The following ARID5B variants were observed in gnomAD, a reference collection of about 807,000 sequenced individuals.
ARID5B encodes AT-rich interactive domain-containing protein 5B.
ARID5B carries 13 observed loss-of-function variants against 97.2 expected under a neutral mutation model. The observed-to-expected ratio is 0.13, with a 90% CI of 0.09 to 0.21. The LOEUF is 0.21. ARID5B is among the 10% of genes least tolerant of loss of function. The pLI is 1.00. For missense variants in ARID5B, 1,210 were observed against 1,465.3 expected, an observed-to-expected ratio of 0.83 and a Z score of 2.84; for synonymous variants, 556 against 570.3, an observed-to-expected ratio of 0.97 and a Z score of 0.36.
intron 4 of ARID5B, among the ~76,000 whole-genome samples, chr10:62,008,868 A>G (rs943368274): frequency 6.6e-6 from 1 of 151,838 alleles, no homozygotes; most frequent in Admixed American, 6.6e-5. Context: ...TTCATTATAC[A>G]CCTCTCCGTG....
intron 4 of ARID5B, among the ~76,000 whole-genome samples, chr10:62,011,531 T>C (rs765027268): frequency 6.6e-6 from 1 of 152,240 alleles, no homozygotes; most frequent in East Asian, 1.9e-4. Context: ...CAGTGTCACC[T>C]ATAGGAGCTG....
chr10:61,979,869 A>G (rs969133617), intron 3 of ARID5B, among the ~76,000 whole-genome samples: 1 of 152,212 alleles, frequency 6.6e-6, no homozygotes. Flanking sequence ...AGGTAGGCGT[A>G]TCACCTGAGG....
chr10:61,958,778 C>G (rs1234032231), intron 3 of ARID5B, among the ~76,000 whole-genome samples: 1 of 152,174 alleles, frequency 6.6e-6, no homozygotes, highest in African/African-American at 2.4e-5. Context: ...TTTGTTGTCT[C>G]CGATAAGTGC....
chr10:62,049,389 T>C, intron 4 of ARID5B: 1 of 1,549,432 alleles, frequency 6.5e-7, no homozygotes, highest in Non-Finnish European at 8.7e-7. Context: ...CCACACCAAG[T>C]CGAGACTTCC....
At chr10:62,051,244 C>T (rs1372035940) in intron 5 of ARID5B, 10 of 586,772 alleles carry the variant, frequency 1.7e-5, no homozygotes, top group Admixed American at 1.1e-4. Context: ...CCCAGTTTGG[C>T]CTGTTATGAG....
In ARID5B at chr10:62,000,029, T is replaced by C. The variant is rs1056643612; in HGVS notation, c.503-62T>C. On this transcript the variant is annotated intron_variant, in intron 3 of 9. Coordinates refer to ENST00000279873, the MANE Select transcript of ARID5B (RefSeq NM_032199.3). This position sits in a 1 kb window ranked among gnomAD's most constrained non-coding sequence, Gnocchi z 4.4. ...AGAAGTGATTATTGAAATTATACCATGGCCATGAAAGTTCTTTGTCAGAGG... is the reference window on the plus strand; with the variant it reads ...AGAAGTGATTATTGAAATTATACCACGGCCATGAAAGTTCTTTGTCAGAGG... The C allele has an allele frequency of 4.1e-6, 6 of 1,476,866 alleles. No homozygotes were observed. The highest frequency in any genetic ancestry group is 1.7e-4 in the Middle Eastern group (1 of 5,806). The allele number at this position is 1,476,866 out of a possible 1,614,324, so 91.5% of individuals were successfully genotyped here. A position where few individuals can be genotyped will look rare whatever the true frequency, so the allele number is the denominator to read the frequency against.
chr10:61,931,786 C>T (rs976061470), intron 2 of ARID5B, among the ~76,000 whole-genome samples: 26 of 152,122 alleles, frequency 1.7e-4, no homozygotes, highest in African/African-American at 6.0e-4. Flanking sequence ...CAATGAGAAA[C>T]TACCACATAC....
Position 61,983,402 on chromosome 10 carries a change from T to C in ARID5B, c.503-16689T>C, listed in dbSNP as rs145817888. Among the ~76,000 whole-genome samples, 225 of 152,322 alleles carry C rather than the reference T, an allele frequency of 1.5e-3. 3 individuals carry two copies. The highest frequency in any genetic ancestry group is 5.3e-3 in the African/African-American group (221 of 41,572). ...ATGGAATTTTTATAAAATGTAATATTTGCTGGTATTTAAGTATACTTTGGT... is the reference window on the plus strand; with the variant it reads ...ATGGAATTTTTATAAAATGTAATATCTGCTGGTATTTAAGTATACTTTGGT... On this transcript the variant is annotated intron_variant, in intron 3 of 9. Coordinates refer to ENST00000279873, the MANE Select transcript of ARID5B (RefSeq NM_032199.3).
chr10:61,918,536 G>A (rs541246674), intron 2 of ARID5B, among the ~76,000 whole-genome samples: 218 of 152,262 alleles, frequency 1.4e-3, no homozygotes, highest in African/African-American at 4.8e-3. Flanking sequence ...TAATTTATGG[G>A]TTGAGATATT....
At chr10:61,974,187 T>C (rs1162673171) in intron 3 of ARID5B, among the ~76,000 whole-genome samples, 1 of 152,196 alleles carries the variant, frequency 6.6e-6, no homozygotes, top group African/African-American at 2.4e-5. Flanking sequence ...AGTAATTATT[T>C]CCGCAAGACA....
At chr10:62,006,696 G>A (rs61850775) in intron 4 of ARID5B, among the ~76,000 whole-genome samples, 1 of 152,128 alleles carries the variant, frequency 6.6e-6, no homozygotes, top group African/African-American at 2.4e-5. Context: ...AGACCTCCTT[G>A]GGCAGAGGCC....
At chr10:61,921,017 GA>G (rs1844005332) in intron 2 of ARID5B, among the ~76,000 whole-genome samples, 1 of 152,190 alleles carries the variant, frequency 6.6e-6, no homozygotes, top group Admixed American at 6.5e-5. Flanking sequence ...GCAGTTGCAT[GA>G]AGTATTTTAC....
intron 3 of ARID5B, among the ~76,000 whole-genome samples, chr10:61,973,639 T>C (rs1183866829): frequency 2.0e-5 from 3 of 152,178 alleles, no homozygotes; most frequent in African/African-American, 7.2e-5. Context: ...AAGCTTTTAA[T>C]CTTTATTATT....
intron 4 of ARID5B, among the ~76,000 whole-genome samples, chr10:62,040,525 A>T (rs1589270267): frequency 6.6e-6 from 1 of 152,194 alleles, no homozygotes; most frequent in South Asian, 2.1e-4. Context: ...TTCCAAGAAC[A>T]TATCTATAAT....
chr10:62,089,539 T>C (rs1840339706), intron 9 of ARID5B, among the ~76,000 whole-genome samples: 2 of 149,504 alleles, frequency 1.3e-5, no homozygotes, highest in Admixed American at 6.6e-5. Context: ...TTTTTTTTTT[T>C]TTTTTTTGTG....
chr10:61,903,829 G>C (rs1309069691), intron 2 of ARID5B, among the ~76,000 whole-genome samples: 1 of 151,676 alleles, frequency 6.6e-6, no homozygotes, highest in East Asian at 1.9e-4. Context: ...GGAGTTCGTC[G>C]AAACGTTCGC....
At chr10:61,941,891 T>C (rs1844417082) in intron 3 of ARID5B, among the ~76,000 whole-genome samples, 1 of 152,218 alleles carries the variant, frequency 6.6e-6, no homozygotes, top group South Asian at 2.1e-4. Context: ...CAATAACTAG[T>C]CTTATGACTT....
chr10:62,081,999 T>C (rs1325732714), intron 8 of ARID5B, among the ~76,000 whole-genome samples: 1 of 146,244 alleles, frequency 6.8e-6, no homozygotes, highest in Non-Finnish European at 1.5e-5. Flanking sequence ...ATTTTAAGTC[T>C]TTTTTTTTTT....
chr10:61,962,366 A>T (rs886100536), intron 3 of ARID5B, among the ~76,000 whole-genome samples: 7 of 152,222 alleles, frequency 4.6e-5, no homozygotes, highest in Admixed American at 3.3e-4. Flanking sequence ...TGCATTGCAT[A>T]ATTGATAAAA....
Sources: gnomAD v4.1 joint callset for allele counts (sites outside exome capture counted in the v4.1 genomes callset) on GRCh38, gnomAD v4.1.1 for gene constraint, Gnocchi (gnomAD v3.1) non-coding constraint, MANE v1.5 for transcripts, NCBI Gene and HGNC (gene_info 2026-07-23, HGNC 2026-07-21) for gene names.